Variants in NECAB1 observed in about 807,000 individuals in gnomAD.
NECAB1 encodes the protein N-terminal EF-hand calcium binding protein 1, also known as N-terminal EF-hand calcium-binding protein 1.
NECAB1 carries 29 observed loss-of-function variants against 57.5 expected under a neutral mutation model. The ratio of observed to expected loss-of-function variants is 0.50; its 90% CI spans 0.38 to 0.69. The LOEUF is 0.69. Ranked by LOEUF, NECAB1 falls within the 30% of genes least tolerant of loss-of-function variation. The pLI is 0.00. For missense variants in NECAB1, 372 were observed against 413.8 expected, an observed-to-expected ratio of 0.90 and a Z score of 0.88; for synonymous variants, 142 against 147.7, an observed-to-expected ratio of 0.96 and a Z score of 0.28.
At chr8:90,948,372 C>T (rs185646922) in intron 10 of NECAB1, among the ~76,000 whole-genome samples, 118 of 151,982 alleles carry the variant, frequency 7.8e-4, no homozygotes, top group African/African-American at 2.8e-3. Flanking sequence ...TGCATCATAC[C>T]TTAATGAACC....
At chr8:90,795,824 C>A (rs1201665602) in intron 1 of NECAB1, among the ~76,000 whole-genome samples, 2 of 151,970 alleles carry the variant, frequency 1.3e-5, no homozygotes, top group Non-Finnish European at 2.9e-5. Context: ...AGGCAAATGT[C>A]ACTCTTGTAG....
intron 3 of NECAB1, among the ~76,000 whole-genome samples, chr8:90,834,290 T>G (rs1345165968): frequency 6.6e-6 from 1 of 151,172 alleles, no homozygotes; most frequent in Non-Finnish European, 1.5e-5. Flanking sequence ...TTAAGGAAAA[T>G]ATTTCCCCCA....
At chr8:90,896,977 G>C (rs1264003971) in intron 5 of NECAB1, among the ~76,000 whole-genome samples, 1 of 152,124 alleles carries the variant, frequency 6.6e-6, no homozygotes, top group Non-Finnish European at 1.5e-5. Context: ...GGTGACGTGC[G>C]TCAGGGATAA....
At chr8:90,795,484 C>T (rs187109074) in intron 1 of NECAB1, among the ~76,000 whole-genome samples, 2 of 152,296 alleles carry the variant, frequency 1.3e-5, no homozygotes, top group South Asian at 2.1e-4. Flanking sequence ...CACTCATGTA[C>T]ACTCTGAATG....
chr8:90,913,017 A>G (rs2130094225), intron 5 of NECAB1, among the ~76,000 whole-genome samples: 1 of 152,340 alleles, frequency 6.6e-6, no homozygotes. Context: ...CATAAACAAG[A>G]ATACACTAAC....
rs1193388023 is a variant in NECAB1, at chr8:90,956,836, A to C, written c.*1324A>C. The C allele has an allele frequency of 6.6e-6, 1 of 152,396 alleles. No individual in the cohort carries two copies. Among genetic ancestry groups the C allele is most frequent in the Non-Finnish European group, 1.5e-5 (1 of 67,954 alleles). The allele number at this position is 152,396 out of a possible 1,614,324, so 9.4% of individuals were successfully genotyped here. On this transcript the variant is annotated 3_prime_UTR_variant, in exon 13 of 13. Transcript: ENST00000417640. ...ATTCATGAAACAGCAACTTTTACCAATACCTTTGTATACTCTCAGTTCTCA... is the reference window on the plus strand; with the variant it reads ...ATTCATGAAACAGCAACTTTTACCACTACCTTTGTATACTCTCAGTTCTCA...
rs905946258 is a variant in NECAB1, at chr8:90,958,653, T to C, written c.*3141T>C. On this transcript the variant is annotated 3_prime_UTR_variant, in exon 13 of 13. Coordinates refer to ENST00000417640, the MANE Select transcript of NECAB1 (RefSeq NM_022351.5). ...TACCATATATACACTGTAGCAAATA[T>C]TTTATATTTGAGAGTCTTTACAGCT... 8.4e-6 allele frequency: 2 copies of C among 238,076 alleles called. No homozygotes were observed. The highest frequency in any genetic ancestry group is 4.7e-5 in the African/African-American group (2 of 42,336). The allele number at this position is 238,076 out of a possible 1,614,324, so 14.7% of individuals were successfully genotyped here. A position where few individuals can be genotyped will look rare whatever the true frequency, so the allele number is the denominator to read the frequency against.
intron 3 of NECAB1, among the ~76,000 whole-genome samples, chr8:90,848,054 T>C (rs1332109081): frequency 6.6e-6 from 1 of 152,240 alleles, no homozygotes; most frequent in East Asian, 1.9e-4. Context: ...TCTATTGCAT[T>C]GTCAGGCTGC....
At chr8:90,944,760 C>T (rs753908673) in intron 10 of NECAB1, among the ~76,000 whole-genome samples, 4 of 152,036 alleles carry the variant, frequency 2.6e-5, no homozygotes, top group Non-Finnish European at 5.9e-5. Context: ...CACTCAGCTA[C>T]GAAATTCGAG....
Position 90,958,748 on chromosome 8 carries a change from T to C in NECAB1, c.*3236T>C, listed in dbSNP as rs1479677479. ...GCAAGTAGTATGCAAATTATAAATATACAGTCTTCCCACTTCACTAACCAA... is the reference window on the plus strand; with the variant it reads ...GCAAGTAGTATGCAAATTATAAATACACAGTCTTCCCACTTCACTAACCAA... On this transcript the variant is annotated 3_prime_UTR_variant, in exon 13 of 13. Coordinates refer to ENST00000417640, the MANE Select transcript of NECAB1 (RefSeq NM_022351.5). 5.4e-6 allele frequency: 2 copies of C among 368,004 alleles called. No individual in the cohort carries two copies. The highest frequency in any genetic ancestry group is 2.2e-5 in the African/African-American group (1 of 46,374). 22.8% of individuals were successfully genotyped at this position (368,004 alleles called of 1,614,324 possible). A position where few individuals can be genotyped will look rare whatever the true frequency, so the allele number is the denominator to read the frequency against.
At chr8:90,797,751 C>G (rs1312557048) in intron 1 of NECAB1, among the ~76,000 whole-genome samples, 1 of 152,126 alleles carries the variant, frequency 6.6e-6, no homozygotes. Context: ...AAAAATAATG[C>G]AAACTGTTTT....
chr8:90,852,590 C>G (rs1812705653), intron 3 of NECAB1, among the ~76,000 whole-genome samples: 1 of 152,178 alleles, frequency 6.6e-6, no homozygotes, highest in Non-Finnish European at 1.5e-5. Context: ...ACCCTGCCCT[C>G]CATCCTCTGC....
intron 2 of NECAB1, among the ~76,000 whole-genome samples, chr8:90,824,366 A>C (rs1054428355): frequency 3.3e-5 from 5 of 151,972 alleles, no homozygotes; most frequent in Admixed American, 1.3e-4. Context: ...CATGAAGGTA[A>C]AACATCTAAA....
intron 2 of NECAB1, among the ~76,000 whole-genome samples, chr8:90,823,387 G>C: frequency 6.9e-6 from 1 of 143,904 alleles, no homozygotes; most frequent in East Asian, 1.9e-4. Flanking sequence ...TGCAAATAAG[G>C]ATTTTTTAAA....
At chr8:90,954,639 T>G (rs536513586) in intron 12 of NECAB1, among the ~76,000 whole-genome samples, 1 of 152,112 alleles carries the variant, frequency 6.6e-6, no homozygotes, top group South Asian at 2.1e-4. Flanking sequence ...TCAGGATATC[T>G]ATATTCACTG....
At chr8:90,848,565 A>C (rs1338362894) in intron 3 of NECAB1, among the ~76,000 whole-genome samples, 1 of 152,238 alleles carries the variant, frequency 6.6e-6, no homozygotes, top group Non-Finnish European at 1.5e-5. Flanking sequence ...AAAGAGGTTT[A>C]ATGTACTCAC....
At chr8:90,874,297 A>T (rs995887726) in intron 4 of NECAB1, among the ~76,000 whole-genome samples, 3 of 152,198 alleles carry the variant, frequency 2.0e-5, no homozygotes, top group African/African-American at 7.2e-5. Context: ...AGTTGCAGGT[A>T]TGTAAAACTT....
intron 3 of NECAB1, among the ~76,000 whole-genome samples, chr8:90,863,481 G>A (rs185067781): frequency 1.8e-4 from 27 of 152,084 alleles, no homozygotes; most frequent in Non-Finnish European, 3.1e-4. Flanking sequence ...GTCATACCAA[G>A]CTTTCTTAAG....
chr8:90,950,441 A>G (rs1458514448), intron 11 of NECAB1, among the ~76,000 whole-genome samples: 2 of 152,204 alleles, frequency 1.3e-5, no homozygotes, highest in East Asian at 3.8e-4. Context: ...GCAAACAAAC[A>G]TATAATTTTA....
Sources: gnomAD v4.1 joint callset for allele counts (sites outside exome capture counted in the v4.1 genomes callset) on GRCh38, gnomAD v4.1.1 for gene constraint, MANE v1.5 for transcripts, NCBI Gene and HGNC (gene_info 2026-07-23, HGNC 2026-07-21) for gene names.